The following CHD3 variants were observed in gnomAD, a reference collection of about 807,000 sequenced individuals.
CHD3 encodes the protein ATP-dependent chromatin remodeler CHD3.
A neutral mutation model predicts 248.9 loss-of-function variants in CHD3; 52 were observed. That is an observed-to-expected ratio of 0.21 (90% CI 0.17 to 0.26). The LOEUF (loss-of-function observed/expected upper bound fraction) is 0.26. Ranked by LOEUF, CHD3 falls within the 10% of genes least tolerant of loss-of-function variation. CHD3 has a pLI of 1.00. For missense variants in CHD3, 1,482 were observed against 2,605.8 expected (o/e 0.57, Z 9.39); for synonymous variants, 985 against 985.2 (o/e 1.00, Z 0.00).
rs1299875918 is a variant in CHD3, at chr17:7,907,889, A to G, written c.5027-5A>G. On this transcript the variant is annotated splice_region_variant and splice_polypyrimidine_tract_variant and intron_variant, in intron 33 of 39. Coordinates refer to ENST00000330494, the MANE Select transcript of CHD3 (RefSeq NM_001005273.3). This position sits in a 1 kb window ranked among gnomAD's most constrained non-coding sequence, Gnocchi z 4.3. ...GTGTGAGCTTTGACCTGTCTGTCCT[A>G]GCAGAAGATGTAAAAGGTGACCGGG... 1 of 1,610,708 alleles carries G rather than the reference A, an allele frequency of 6.2e-7. No homozygotes were observed.
rs770212064 is a variant in CHD3 at position 7,903,931 on chromosome 17, C to T, written c.3834C>T (p.Asn1278=). 8.0e-5 allele frequency: 129 copies of T among 1,614,094 alleles called. No homozygotes were observed. The highest frequency in any genetic ancestry group is 1.1e-4 in the Non-Finnish European group (127 of 1,180,050). ...CAACTGAGGACACTGACGTGCAGAA[C>T]ATGAATGAGTATCTCAGCTCCTTCA... ...QDATEDTDVQ[N]MNEYLSSFKV... is the part of the protein sequence containing the mutation. The change falls in exon 24 of 40, where the codon AAC becomes AAT. Residue 1278 remains asparagine (N), a synonymous_variant. Coordinates refer to ENST00000330494, the MANE Select transcript of CHD3 (RefSeq NM_001005273.3). This position sits in a 1 kb window ranked among gnomAD's most constrained non-coding sequence, Gnocchi z 6.8.
chr17:7,901,573 C>G (rs190684197), intron 20 of CHD3, among the ~76,000 whole-genome samples, 198 bp downstream of exon 20: 3 of 148,038 alleles, frequency 2.0e-5, no homozygotes, highest in Non-Finnish European at 3.0e-5. Context: ...TGCAGTGGCA[C>G]GATCTCGGCT....
chr17:7,889,215 T>C lies in CHD3; in HGVS notation c.100+115T>C. 1.5e-6 allele frequency: 2 copies of C among 1,343,514 alleles called. No individual in the cohort carries two copies. Among genetic ancestry groups the C allele is most frequent in the Non-Finnish European group, 2.1e-6 (2 of 966,668 alleles). The allele number at this position is 1,343,514 out of a possible 1,614,324, so 83.2% of individuals were successfully genotyped here. A position where few individuals can be genotyped will look rare whatever the true frequency, so the allele number is the denominator to read the frequency against. On this transcript the variant is annotated intron_variant, in intron 1 of 39. Coordinates refer to ENST00000330494, the MANE Select transcript of CHD3 (RefSeq NM_001005273.3). This position sits in a 1 kb window ranked among gnomAD's most constrained non-coding sequence, Gnocchi z 4.5. ...CACCTTTGGCTCTCCCTCCCCAGCATCTGGCTTAGGGAGCTGCCAGCTTGT... is the reference window on the plus strand; with the variant it reads ...CACCTTTGGCTCTCCCTCCCCAGCACCTGGCTTAGGGAGCTGCCAGCTTGT...
chr17:7,905,668 C>A lies in CHD3; in HGVS notation c.4186C>A (p.Leu1396Met). Residue 1396 changes from leucine (L) to methionine (M), a missense_variant, in exon 27 of 40, where the codon CTG becomes ATG. Transcript: ENST00000330494. The surrounding 1 kb of genome is among the most constrained non-coding windows in gnomAD (Gnocchi z 5.8). Reference protein sequence around the residue: ...RQLRNEKDKPLPPLLARVGGN... With the variant: ...RQLRNEKDKPMPPLLARVGGN... ...GCTCCGGAATGAGAAAGATAAGCCACTGCCTCCACTGCTGGCCCGAGTCGG... is the reference window on the plus strand; with the variant it reads ...GCTCCGGAATGAGAAAGATAAGCCAATGCCTCCACTGCTGGCCCGAGTCGG... 6.2e-7 allele frequency: 1 copy of A among 1,610,582 alleles called. No individual in the cohort carries two copies. The highest frequency in any genetic ancestry group is 8.5e-7 in the Non-Finnish European group (1 of 1,178,044).
upstream of CHD3, among the ~76,000 whole-genome samples, chr17:7,885,465 A>C (rs1967751496): frequency 6.6e-6 from 1 of 150,596 alleles, no homozygotes; most frequent in African/African-American, 2.4e-5. Context: ...GGGGGTAGGC[A>C]GGAAACGGCC....
Position 7,903,642 on chromosome 17 carries a change from GA to G in CHD3, c.3727+141del. The G allele has an allele frequency of 1.0e-6, 1 of 1,002,386 alleles. No homozygotes were observed. Among genetic ancestry groups the G allele is most frequent in the East Asian group, 2.6e-5 (1 of 38,176 alleles). 62.1% of individuals were successfully genotyped at this position (1,002,386 alleles called of 1,614,324 possible). A position where few individuals can be genotyped will look rare whatever the true frequency, so the allele number is the denominator to read the frequency against. ...AGCCTTCTTTTAGTAGCCCTTGGAG[GA>G]AGGTTGGCCTCTTTCTTTGCCTGTA... On this transcript the variant is annotated intron_variant, in intron 23 of 39. Transcript: ENST00000330494. The surrounding 1 kb of genome is among the most constrained non-coding windows in gnomAD (Gnocchi z 6.8).
chr17:7,898,949 A>C, intron 13 of CHD3, 62 bp from the exon 14 acceptor site: 1 of 1,406,174 alleles, frequency 7.1e-7, no homozygotes, highest in African/African-American at 1.4e-5. Flanking sequence ...AGGGAGGAAG[A>C]GACTAAGACT....
chr17:7,903,350 G>C lies in CHD3; in HGVS notation c.3574G>C (p.Glu1192Gln), dbSNP rs1352452244. The stretch of plus-strand genomic sequence containing the variant: ...GTTTGTGACTCGCGCGTCAGTGGAA[G>C]AGCGAATCACACAAGTGGCCAAGAG... ...YRFVTRASVE[E>Q]RITQVAKRKM... Residue 1192 changes from glutamate to glutamine, a missense_variant, in exon 23 of 40, where the codon GAG becomes CAG. By Grantham distance (29) the Glu-to-Gln change is conservative. Coordinates refer to ENST00000330494, the MANE Select transcript of CHD3 (RefSeq NM_001005273.3). The surrounding 1 kb of genome is among the most constrained non-coding windows in gnomAD (Gnocchi z 6.8). 1 of 1,614,236 alleles carries C rather than the reference G, an allele frequency of 6.2e-7. No homozygotes were observed. Among genetic ancestry groups the C allele is most frequent in the Non-Finnish European group, 8.5e-7 (1 of 1,180,048 alleles).
chr17:7,907,762 T>C lies in CHD3; in HGVS notation c.5026+60T>C, dbSNP rs1971170609. 1 of 1,505,730 alleles carries C rather than the reference T, an allele frequency of 6.6e-7. No homozygotes were observed. Among genetic ancestry groups the C allele is most frequent in the South Asian group, 1.3e-5 (1 of 77,808 alleles). The allele number at this position is 1,505,730 out of a possible 1,614,324, so 93.3% of individuals were successfully genotyped here. A position where few individuals can be genotyped will look rare whatever the true frequency, so the allele number is the denominator to read the frequency against. ...AGAGGGCATCAGGGGAGGTGGAGTC[T>C]GGGGAACCGAATGCTTGGGTCCTGG... On this transcript the variant is annotated intron_variant, in intron 33 of 39. Coordinates refer to ENST00000330494, the MANE Select transcript of CHD3 (RefSeq NM_001005273.3). The surrounding 1 kb of genome is among the most constrained non-coding windows in gnomAD (Gnocchi z 4.3).
In CHD3 at chr17:7,908,252, G is replaced by A. The variant is rs1461263580; in HGVS notation, c.5153-150G>A. The A allele has an allele frequency of 6.1e-6, 5 of 822,444 alleles. No individual in the cohort carries two copies. Among genetic ancestry groups the A allele is most frequent in the Non-Finnish European group, 9.5e-6 (5 of 527,432 alleles). The allele number at this position is 822,444 out of a possible 1,614,324, so 50.9% of individuals were successfully genotyped here. On this transcript the variant is annotated intron_variant, in intron 34 of 39. Transcript: ENST00000330494. This position sits in a 1 kb window ranked among gnomAD's most constrained non-coding sequence, Gnocchi z 5.8. ...AATTCTAACGAACCTGGTTAGAACT[G>A]AGTTTGTTCCAAACCTAACCTTTAC...
At position 7,904,719 on chromosome 17, in the gene CHD3, G is replaced by A; in HGVS notation, c.4072+100G>A. The A allele has an allele frequency of 1.8e-6, 2 of 1,116,222 alleles. No individual in the cohort carries two copies. The highest frequency in any genetic ancestry group is 2.5e-6 in the Non-Finnish European group (2 of 786,336). The allele number at this position is 1,116,222 out of a possible 1,614,324, so 69.1% of individuals were successfully genotyped here. On this transcript the variant is annotated intron_variant, in intron 25 of 39. Transcript: ENST00000330494. This position sits in a 1 kb window ranked among gnomAD's most constrained non-coding sequence, Gnocchi z 4.4. Reference sequence around the variant, plus strand: ...TAGAGGGAAAGAGAGAAGCCTAGAAGTCAGAGCCTTCCTCTGCTAAAAGGG... The same window carrying A: ...TAGAGGGAAAGAGAGAAGCCTAGAAATCAGAGCCTTCCTCTGCTAAAAGGG...
upstream of CHD3, among the ~76,000 whole-genome samples, chr17:7,886,834 C>G (rs1056359763): frequency 6.6e-6 from 1 of 151,880 alleles, no homozygotes; most frequent in African/African-American, 2.4e-5. This position sits in a 1 kb window ranked among gnomAD's most constrained non-coding sequence, Gnocchi z 4.2. Flanking sequence ...GTGTGGGTCC[C>G]GGATCTGGGT....
At position 7,910,656 on chromosome 17, in the gene CHD3, C is replaced by G. The variant is rs1054008487; in HGVS notation, c.5754+65C>G. On this transcript the variant is annotated intron_variant, in intron 38 of 39. Coordinates refer to ENST00000330494, the MANE Select transcript of CHD3 (RefSeq NM_001005273.3). This position sits in a 1 kb window ranked among gnomAD's most constrained non-coding sequence, Gnocchi z 4.7. ...TGTTCCTCCTGCACACATACAAACA[C>G]TTCCATCAGAATCCTATACAATATG... is the stretch of plus-strand genomic sequence containing the variant. 1.3e-6 allele frequency: 2 copies of G among 1,552,698 alleles called. No homozygotes were observed. Among genetic ancestry groups the G allele is most frequent in the African/African-American group, 2.7e-5 (2 of 73,454 alleles).
rs888629910 is a variant in CHD3, at chr17:7,909,079, C to G, written c.5395-64C>G. On this transcript the variant is annotated intron_variant, in intron 36 of 39. Transcript: ENST00000330494. This position sits in a 1 kb window ranked among gnomAD's most constrained non-coding sequence, Gnocchi z 8.1. The stretch of plus-strand genomic sequence containing the variant: ...AGGGTGGGTCTCTTGCTATGTCCGC[C>G]CCCCCAGCCCCTCACCCACTGCTGG... 15 of 1,542,800 alleles carry G rather than the reference C, an allele frequency of 9.7e-6. No individual in the cohort carries two copies. The highest frequency in any genetic ancestry group is 1.2e-5 in the Non-Finnish European group (14 of 1,142,272).
In CHD3 at chr17:7,909,242, C is replaced by T; in HGVS notation, c.5494C>T (p.Arg1832Cys). 1 of 1,552,900 alleles carries T rather than the reference C, an allele frequency of 6.4e-7. No homozygotes were observed. The highest frequency in any genetic ancestry group is 8.7e-7 in the Non-Finnish European group (1 of 1,149,360). ...PAHPAMALHA[R>C]FAEAECLAES... ...GCACCCCGCCATGGCCCTCCACGCC[C>T]GCTTCGCCGAGGCCGAGTGCCTGGC... is the stretch of plus-strand genomic sequence containing the variant. Residue 1832 changes from arginine to cysteine, a missense_variant, in exon 37 of 40, where the codon CGC becomes TGC. Coordinates refer to ENST00000330494, the MANE Select transcript of CHD3 (RefSeq NM_001005273.3). This position sits in a 1 kb window ranked among gnomAD's most constrained non-coding sequence, Gnocchi z 8.1.
Position 7,899,469 on chromosome 17 carries a change from G to T in CHD3, c.2470G>T (p.Ala824Ser). 1 of 1,614,150 alleles carries T rather than the reference G, an allele frequency of 6.2e-7. No individual in the cohort carries two copies. Among genetic ancestry groups the T allele is most frequent in the Non-Finnish European group, 8.5e-7 (1 of 1,180,040 alleles). The change falls in exon 15 of 40, where the codon GCC becomes TCC. Residue 824 changes from alanine (A) to serine (S), a missense_variant. Ala to Ser is a moderately conservative substitution (Grantham distance 99). Around this residue, in one of 20 missense-constraint regions of CHD3, gnomAD observed 49 missense variants for 93.8 expected, o/e 0.52. Transcript: ENST00000330494. This position sits in a 1 kb window ranked among gnomAD's most constrained non-coding sequence, Gnocchi z 6.8. ...VTYTGDKDSRAIIRENEFSFE... is the reference protein window; with the variant it reads ...VTYTGDKDSRSIIRENEFSFE... Reference sequence around the variant, plus strand: ...ATACACGGGTGACAAGGACAGCCGGGCCATCATTCGTGAGAATGAATTCTC... The same window carrying T: ...ATACACGGGTGACAAGGACAGCCGGTCCATCATTCGTGAGAATGAATTCTC...
chr17:7,908,810 T>G lies in CHD3; in HGVS notation c.5375T>G (p.Phe1792Cys). ...AACTTTCTGGAGATGAAAAATAAGT[T>G]CCTGGCCCGGAGGTTCAAGGTGGGA... Reference protein sequence around the residue: ...KGNFLEMKNKFLARRFKLLEQ... With the variant: ...KGNFLEMKNKCLARRFKLLEQ... Residue 1792 changes from phenylalanine (F) to cysteine (C), a missense_variant, in exon 36 of 40, where the codon TTC (phenylalanine) becomes TGC (cysteine). This residue lies in a region of CHD3 where 83 missense variants were observed against 181.0 expected (regional missense o/e 0.46). Coordinates refer to ENST00000330494, the MANE Select transcript of CHD3 (RefSeq NM_001005273.3). This position sits in a 1 kb window ranked among gnomAD's most constrained non-coding sequence, Gnocchi z 5.8. 1 of 1,614,060 alleles carries G rather than the reference T, an allele frequency of 6.2e-7. No homozygotes were observed. Among genetic ancestry groups the G allele is most frequent in the Non-Finnish European group, 8.5e-7 (1 of 1,179,996 alleles).
In CHD3 at chr17:7,905,087, TC is replaced by T; in HGVS notation, c.4073-11del. 5 of 1,613,826 alleles carry T rather than the reference TC, an allele frequency of 3.1e-6. No individual in the cohort carries two copies. Among genetic ancestry groups the T allele is most frequent in the Non-Finnish European group, 3.4e-6 (4 of 1,179,830 alleles). ...AGCCCTCCCTGACCACTGGGCCCTT[TC>T]CACCCCCACAGACAACCAGTCAGAG... is the stretch of plus-strand genomic sequence containing the variant. On this transcript the variant is annotated splice_polypyrimidine_tract_variant and intron_variant, in intron 25 of 39. Transcript: ENST00000330494. This position sits in a 1 kb window ranked among gnomAD's most constrained non-coding sequence, Gnocchi z 5.8.
Position 7,909,363 on chromosome 17 carries a change from G to A in CHD3, c.5590+25G>A, listed in dbSNP as rs1161387081. ...GGTAAGGGCCGCGGCGGCCCCGCGC[G>A]GGGGAGGGCCCACAACGCTGCGTAA... is the stretch of plus-strand genomic sequence containing the variant. On this transcript the variant is annotated intron_variant, in intron 37 of 39. Transcript: ENST00000330494. This position sits in a 1 kb window ranked among gnomAD's most constrained non-coding sequence, Gnocchi z 8.1. The A allele has an allele frequency of 3.3e-6, 5 of 1,522,722 alleles. No homozygotes were observed. Among genetic ancestry groups the A allele is most frequent in the Non-Finnish European group, 4.4e-6 (5 of 1,133,594 alleles). 94.3% of individuals were successfully genotyped at this position (1,522,722 alleles called of 1,614,324 possible). A position where few individuals can be genotyped will look rare whatever the true frequency, so the allele number is the denominator to read the frequency against.
Sources: allele counts gnomAD v4.1 joint callset (sites outside exome capture counted in the v4.1 genomes callset), GRCh38; gene constraint gnomAD v4.1.1; regional missense constraint gnomAD v4.1.1; non-coding constraint Gnocchi (gnomAD v3.1); transcripts MANE v1.5; gene names NCBI Gene and HGNC (gene_info 2026-07-23, HGNC 2026-07-21).